HECW1: variants seen among roughly 807,000 people sequenced by gnomAD.
HECW1 encodes the protein E3 ubiquitin-protein ligase HECW1.
HECW1 carries 61 observed loss-of-function variants against 182.3 expected under a neutral mutation model. The ratio of observed to expected loss-of-function variants is 0.33; its 90% CI spans 0.27 to 0.41. HECW1 has a LOEUF of 0.41. Among genes scored for constraint, HECW1 ranks in the 10% least tolerant of loss-of-function variants. The probability of loss-of-function intolerance (pLI) is 1.00; values close to 1 mark genes in which losing one functional copy is unlikely to be tolerated. For synonymous variants in HECW1, 859 were observed against 832.6 expected (o/e 1.03, Z -0.55); for missense variants, 1,739 against 2,108.9 (o/e 0.82, Z 3.44).
rs774986986 is a variant in HECW1, at chr7:43,444,649, A to T, written c.1477A>T (p.Thr493Ser). Reference sequence around the variant, plus strand: ...GGAGCCCTTGGAGGAGGAAGCAACGACCCAGAGCCGGGCTGGAAGGGAAGA... The same window carrying T: ...GGAGCCCTTGGAGGAGGAAGCAACGTCCCAGAGCCGGGCTGGAAGGGAAGA... ...KEEPLEEEAT[T>S]QSRAGREEEE... The change falls in exon 11 of 30, where the codon ACC becomes TCC. Residue 493 changes from threonine to serine, a missense_variant. Physicochemically the swap from Thr to Ser is moderately conservative, Grantham distance 58 (BLOSUM62 1). Coordinates refer to ENST00000395891, the MANE Select transcript of HECW1 (RefSeq NM_015052.5). This position sits in a 1 kb window ranked among gnomAD's most constrained non-coding sequence, Gnocchi z 4.3. 2 of 1,607,598 alleles carry T rather than the reference A, an allele frequency of 1.2e-6. No homozygotes were observed. The highest frequency in any genetic ancestry group is 2.2e-5 in the South Asian group (2 of 90,068).
At chr7:43,407,981 G>A (rs1041158755) in intron 8 of HECW1, among the ~76,000 whole-genome samples, 1 of 152,148 alleles carries the variant, frequency 6.6e-6, no homozygotes, top group Non-Finnish European at 1.5e-5. Flanking sequence ...CAGAACCCAT[G>A]CCGCGAGCAG....
At chr7:43,165,402 G>GT (rs1346187126) in intron 2 of HECW1, among the ~76,000 whole-genome samples, 2 of 151,112 alleles carry the variant, frequency 1.3e-5, no homozygotes, top group Non-Finnish European at 2.9e-5. Flanking sequence ...TTTGGCGGGG[G>GT]GGGGTGTTTG....
intron 4 of HECW1, among the ~76,000 whole-genome samples, chr7:43,318,512 G>A (rs1562828904): frequency 6.6e-6 from 1 of 152,188 alleles, no homozygotes; most frequent in Admixed American, 6.5e-5. Context: ...CAGAGAAGGG[G>A]CAGCCTAAAA....
rs895852200 is a variant in HECW1, at chr7:43,503,143, G to A, written c.3631+1821G>A. ...CTTCCTCCAAACAAGTGTACCAACAGCATTGTTAAGGAAATGTGCAATGCT... is the reference window on the plus strand; with the variant it reads ...CTTCCTCCAAACAAGTGTACCAACAACATTGTTAAGGAAATGTGCAATGCT... On this transcript the variant is annotated intron_variant, in intron 21 of 29. Transcript: ENST00000395891. 9.2e-5 allele frequency among the ~76,000 whole-genome samples: 14 copies of A among 152,330 alleles called. No individual in the cohort carries two copies. In the South Asian group the frequency reaches 1.7e-3, roughly 18 times the overall value.
At chr7:43,485,951 T>A (rs953327282) in intron 17 of HECW1, among the ~76,000 whole-genome samples, 1 of 152,208 alleles carries the variant, frequency 6.6e-6, no homozygotes, top group African/African-American at 2.4e-5. Context: ...GTGGGTTTGC[T>A]GCACCCATTA....
chr7:43,202,794 TCAC>T (rs1795129252), intron 2 of HECW1, among the ~76,000 whole-genome samples: 1 of 152,186 alleles, frequency 6.6e-6, no homozygotes, highest in Non-Finnish European at 1.5e-5. Flanking sequence ...AAGTGAAGAA[TCAC>T]GAAAGAAGTG....
chr7:43,230,415 A>C (rs2152708680), intron 2 of HECW1, among the ~76,000 whole-genome samples: 1 of 152,232 alleles, frequency 6.6e-6, no homozygotes, highest in South Asian at 2.1e-4. Context: ...AATAAAAACA[A>C]CCAGTGTCAT....
At chr7:43,265,557 TAAGTTTA>T (rs1238996243) in intron 3 of HECW1, among the ~76,000 whole-genome samples, 2 of 152,262 alleles carry the variant, frequency 1.3e-5, no homozygotes, top group African/African-American at 4.8e-5. Flanking sequence ...TTCATGCTAA[TAAGTTTA>T]AAACACCTTT....
rs2304318 is a variant in HECW1 at position 43,560,441 on chromosome 7, A to T, written c.4710-1374A>T. Among the ~76,000 whole-genome samples, 590 of 152,248 alleles carry T rather than the reference A, an allele frequency of 3.9e-3. 5 individuals carry two copies. Among genetic ancestry groups the T allele is most frequent in the East Asian group, 0.034 (175 of 5,186 alleles). On this transcript the variant is annotated intron_variant, in intron 29 of 29. Coordinates refer to ENST00000395891, the MANE Select transcript of HECW1 (RefSeq NM_015052.5). ...GCCCTGTGCCTGCCTTTGGAGCTTGAGCGGGGAAAGGGACAGGGAGGAGGG... is the reference window on the plus strand; with the variant it reads ...GCCCTGTGCCTGCCTTTGGAGCTTGTGCGGGGAAAGGGACAGGGAGGAGGG...
At chr7:43,333,923 C>T (rs1422699416) in intron 5 of HECW1, among the ~76,000 whole-genome samples, 7 of 152,194 alleles carry the variant, frequency 4.6e-5, no homozygotes, top group Non-Finnish European at 8.8e-5. Flanking sequence ...TGGCCCAATC[C>T]ACACTGGGAA....
intron 2 of HECW1, among the ~76,000 whole-genome samples, chr7:43,142,335 A>G (rs1414428329): frequency 6.6e-6 from 1 of 152,058 alleles, no homozygotes; most frequent in African/African-American, 2.4e-5. Context: ...TCTTACTCGC[A>G]CTCCAGTGTT....
intron 19 of HECW1, 130 bp from the exon 20 acceptor site, chr7:43,500,569 C>A: frequency 2.6e-6 from 2 of 759,274 alleles, no homozygotes; most frequent in Admixed American, 2.2e-5. Flanking sequence ...TAGAATTCTG[C>A]AAAATACATA....
chr7:43,329,521 G>A (rs571646113), intron 5 of HECW1, among the ~76,000 whole-genome samples: 57 of 152,182 alleles, frequency 3.7e-4, no homozygotes, highest in Non-Finnish European at 5.9e-4. Flanking sequence ...TAGGAGGTAA[G>A]ATCAACATGG....
rs2076577756 is a variant in HECW1, at chr7:43,432,299, C to T, written c.802-5704C>T. Among the ~76,000 whole-genome samples, 1 of 151,696 alleles carries T rather than the reference C, an allele frequency of 6.6e-6. No individual in the cohort carries two copies. Among genetic ancestry groups the T allele is most frequent in the Admixed American group, 6.6e-5 (1 of 15,226 alleles). ...GGACTACAGGCGCCCGCCACTACAC[C>T]CGGCTAATTTTTTGTATTTTTAGTA... is the stretch of plus-strand genomic sequence containing the variant. On this transcript the variant is annotated intron_variant, in intron 8 of 29. Transcript: ENST00000395891. The surrounding 1 kb of genome is among the most constrained non-coding windows in gnomAD (Gnocchi z 4.1).
chr7:43,119,937 T>C (rs1156508705), intron 2 of HECW1, among the ~76,000 whole-genome samples: 1 of 152,210 alleles, frequency 6.6e-6, no homozygotes, highest in Non-Finnish European at 1.5e-5. Flanking sequence ...CTGTTCCCTA[T>C]ACAGCAGCCC....
intron 24 of HECW1, among the ~76,000 whole-genome samples, chr7:43,517,905 T>C (rs1414169836): frequency 6.6e-6 from 1 of 152,226 alleles, no homozygotes; most frequent in Non-Finnish European, 1.5e-5. Context: ...GTCCTATTTC[T>C]GAACCCAGCT....
chr7:43,121,134 C>T (rs1785567887), intron 2 of HECW1, among the ~76,000 whole-genome samples: 3 of 152,122 alleles, frequency 2.0e-5, no homozygotes, highest in Admixed American at 1.3e-4. Context: ...TGTTTTTCTC[C>T]TGGCTGGTGT....
intron 13 of HECW1, among the ~76,000 whole-genome samples, chr7:43,462,383 T>G (rs2077616860): frequency 1.3e-5 from 2 of 150,140 alleles, no homozygotes; most frequent in African/African-American, 4.9e-5. Context: ...CCCTGCCTGG[T>G]TTTTTTTTAG....
At chr7:43,226,210 A>T (rs1026058150) in intron 2 of HECW1, among the ~76,000 whole-genome samples, 1 of 152,244 alleles carries the variant, frequency 6.6e-6, no homozygotes, top group Non-Finnish European at 1.5e-5. Context: ...GGTTCGGAAC[A>T]TCGGGGTTAA....
Sources: gnomAD v4.1 joint callset for allele counts (sites outside exome capture counted in the v4.1 genomes callset) on GRCh38, gnomAD v4.1.1 for gene constraint, Gnocchi (gnomAD v3.1) non-coding constraint, MANE v1.5 for transcripts, NCBI Gene and HGNC (gene_info 2026-07-23, HGNC 2026-07-21) for gene names.